The following NRXN3 variants were observed in gnomAD, a reference collection of about 807,000 sequenced individuals.
The protein encoded by NRXN3 is neurexin III.
A neutral mutation model predicts 137.6 loss-of-function variants in NRXN3; 32 were observed. The observed-to-expected ratio is 0.23, with a 90% CI of 0.18 to 0.31. The LOEUF is 0.31. Among genes scored for constraint, NRXN3 ranks in the 10% least tolerant of loss-of-function variants. The pLI, the probability that NRXN3 is intolerant of heterozygous loss-of-function variation, is 1.00. For missense variants in NRXN3, 1,574 were observed against 2,062.5 expected (o/e 0.76, Z 4.59); for synonymous variants, 798 against 784.5 (o/e 1.02, Z -0.29).
intron 19 of NRXN3, among the ~76,000 whole-genome samples, chr14:79,742,954 G>T (rs1399647022): frequency 6.6e-6 from 1 of 152,034 alleles, no homozygotes; most frequent in Non-Finnish European, 1.5e-5. Context: ...ACAATATTTT[G>T]TTCTGCCCTA....
At chr14:78,330,990 A>G (rs1366929458) in intron 4 of NRXN3, among the ~76,000 whole-genome samples, 1 of 152,130 alleles carries the variant, frequency 6.6e-6, no homozygotes. Context: ...TATTTGAAAC[A>G]TTGGAGTCAG....
chr14:79,141,308 A>G (rs1219775202), intron 15 of NRXN3, among the ~76,000 whole-genome samples: 1 of 152,158 alleles, frequency 6.6e-6, no homozygotes, highest in Admixed American at 6.5e-5. Context: ...CTTCTTTTCT[A>G]TGAAGGATTG....
intron 15 of NRXN3, among the ~76,000 whole-genome samples, chr14:79,290,781 G>A (rs1324262438): frequency 1.3e-5 from 2 of 152,108 alleles, no homozygotes; most frequent in East Asian, 1.9e-4. Context: ...GCGGTGATAG[G>A]CAGCAAAAGC....
At chr14:79,129,971 G>C (rs2057192084) in intron 15 of NRXN3, among the ~76,000 whole-genome samples, 4 of 150,590 alleles carry the variant, frequency 2.7e-5, no homozygotes, top group African/African-American at 9.8e-5. Flanking sequence ...TTGGTTTAAA[G>C]TCTGTTTTAT....
intron 15 of NRXN3, among the ~76,000 whole-genome samples, chr14:79,382,104 T>A (rs986245585): frequency 1.8e-4 from 28 of 152,172 alleles, no homozygotes; most frequent in African/African-American, 6.8e-4. Context: ...AATGGAACAA[T>A]AGAATCCTTT....
intron 15 of NRXN3, among the ~76,000 whole-genome samples, chr14:79,037,352 G>T (rs1467222666): frequency 7.9e-5 from 12 of 152,104 alleles, no homozygotes. Context: ...AGCACCTGTA[G>T]CCCATTTCCC....
At chr14:78,406,095 A>T (rs1023218629) in intron 4 of NRXN3, among the ~76,000 whole-genome samples, 8 of 152,248 alleles carry the variant, frequency 5.3e-5, no homozygotes, top group Non-Finnish European at 1.5e-5. Flanking sequence ...CTTTTACAAG[A>T]CAGTGCATGC....
At chr14:79,334,212 A>T (rs929495231) in intron 15 of NRXN3, among the ~76,000 whole-genome samples, 1 of 152,194 alleles carries the variant, frequency 6.6e-6, no homozygotes, top group Non-Finnish European at 1.5e-5. Context: ...GGAAATAAAT[A>T]TATACTCTTC....
chr14:78,767,139 T>C (rs2098711690), intron 8 of NRXN3, among the ~76,000 whole-genome samples: 1 of 152,142 alleles, frequency 6.6e-6, no homozygotes, highest in Non-Finnish European at 1.5e-5. Context: ...AAGCACAGGG[T>C]TGTGATCTCA....
intron 15 of NRXN3, among the ~76,000 whole-genome samples, chr14:79,208,196 CT>C (rs1167977933): frequency 3.9e-5 from 6 of 152,288 alleles, no homozygotes; most frequent in African/African-American, 1.4e-4. Flanking sequence ...ACAATTTAAA[CT>C]GTTCTGGAGA....
chr14:79,273,185 A>AT lies in NRXN3; in HGVS notation c.3263-194036_3263-194035insT, dbSNP rs1421393182. Among the ~76,000 whole-genome samples, 616 of 149,064 alleles carry AT rather than the reference A, an allele frequency of 4.1e-3. 7 individuals are homozygous for AT. Among genetic ancestry groups the AT allele is most frequent in the African/African-American group, 0.014 (552 of 40,632 alleles). On this transcript the variant is annotated intron_variant, in intron 15 of 20. Transcript: ENST00000335750. ...AGACTCTGTGGCCAAAAAAAAAAAA[A>AT]AAAAAAAAAAAAAAATGGGTGGGAG...
intron 9 of NRXN3, among the ~76,000 whole-genome samples, chr14:78,805,453 C>T (rs572229702): frequency 6.6e-6 from 1 of 151,966 alleles, no homozygotes; most frequent in African/African-American, 2.4e-5. Flanking sequence ...GAGAACACAG[C>T]GTATTGAGCA....
intron 10 of NRXN3, among the ~76,000 whole-genome samples, chr14:78,911,623 A>C (rs921952898): frequency 6.6e-6 from 1 of 152,206 alleles, no homozygotes; most frequent in African/African-American, 2.4e-5. Context: ...TTTTCAGCAG[A>C]AATATGTTTT....
chr14:78,316,332 T>C lies in NRXN3; in HGVS notation c.757+18472T>C, dbSNP rs1296017071. ...GGGGGTAGGGTGGACAATTTGCTTC[T>C]GATATTTAAATCCCTAGAAGGAGTA... On this transcript the variant is annotated intron_variant, in intron 4 of 20. Coordinates refer to ENST00000335750, the MANE Select transcript of NRXN3 (RefSeq NM_001330195.2). Among the ~76,000 whole-genome samples the C allele has an allele frequency of 3.9e-5, 6 of 152,184 alleles. No individual in the cohort carries two copies. The East Asian group carries it at 9.7e-4, about 25-fold the overall frequency.
intron 15 of NRXN3, among the ~76,000 whole-genome samples, chr14:79,203,311 A>G (rs766395796): frequency 1.2e-4 from 19 of 152,314 alleles, no homozygotes; most frequent in Middle Eastern, 3.4e-3. Context: ...TCAAAAAAGG[A>G]TATTAGATAG....
intron 4 of NRXN3, among the ~76,000 whole-genome samples, chr14:78,504,441 G>A (rs2095941813): frequency 6.6e-6 from 1 of 152,100 alleles, no homozygotes; most frequent in Admixed American, 6.5e-5. Context: ...CTTAGGGCAT[G>A]GGAAGAAAGA....
At chr14:79,099,761 A>G (rs937934195) in intron 15 of NRXN3, among the ~76,000 whole-genome samples, 1 of 152,248 alleles carries the variant, frequency 6.6e-6, no homozygotes, top group Admixed American at 6.5e-5. Context: ...ATTAGCATCT[A>G]TAAAATCAAA....
At chr14:79,840,190 C>T (rs2099353003) in intron 20 of NRXN3, among the ~76,000 whole-genome samples, 2 of 152,090 alleles carry the variant, frequency 1.3e-5, no homozygotes, top group South Asian at 4.1e-4. Flanking sequence ...CACTCTATAA[C>T]TCTGAGGTAA....
chr14:78,925,114 T>A (rs1015547869), intron 10 of NRXN3, among the ~76,000 whole-genome samples: 1 of 152,224 alleles, frequency 6.6e-6, no homozygotes, highest in African/African-American at 2.4e-5. Context: ...TCTGACAAGC[T>A]CTCAATCCTA....
Sources: allele counts gnomAD v4.1 joint callset (sites outside exome capture counted in the v4.1 genomes callset), GRCh38; gene constraint gnomAD v4.1.1; transcripts MANE v1.5; gene names NCBI Gene and HGNC (gene_info 2026-07-23, HGNC 2026-07-21).